CHSY3: variants seen among roughly 807,000 people sequenced by gnomAD.
CHSY3 encodes the protein chondroitin sulfate synthase 3.
A neutral mutation model predicts 67.2 loss-of-function variants in CHSY3; 35 were observed. The observed-to-expected ratio is 0.52, with a 90% CI of 0.40 to 0.69. CHSY3 has a LOEUF of 0.69. Among genes scored for constraint, CHSY3 ranks in the 30% least tolerant of loss-of-function variants. The pLI, the probability that CHSY3 is intolerant of heterozygous loss-of-function variation, is 0.00. For missense variants in CHSY3, 1,069 were observed against 1,138.5 expected, an observed-to-expected ratio of 0.94 and a Z score of 0.88; for synonymous variants, 474 against 434.7, an observed-to-expected ratio of 1.09 and a Z score of -1.12.
intron 2 of CHSY3, among the ~76,000 whole-genome samples, chr5:130,171,173 A>C (rs1195573261): frequency 2.0e-5 from 3 of 152,196 alleles, no homozygotes; most frequent in Non-Finnish European, 4.4e-5. Flanking sequence ...AAGTATACAG[A>C]GGAAGAGAAA....
intron 2 of CHSY3, among the ~76,000 whole-genome samples, chr5:129,923,584 G>A (rs891568572): frequency 2.0e-5 from 3 of 152,116 alleles, no homozygotes; most frequent in Non-Finnish European, 2.9e-5. Context: ...GAATAGGGTG[G>A]TTAGATGGAC....
intron 2 of CHSY3, among the ~76,000 whole-genome samples, chr5:130,099,881 C>T (rs1767171438): frequency 6.6e-6 from 1 of 152,064 alleles, no homozygotes; most frequent in African/African-American, 2.4e-5. Context: ...ATCTCTGGTG[C>T]AGTTGTTTCT....
At chr5:130,022,191 C>A (rs760226802) in intron 2 of CHSY3, among the ~76,000 whole-genome samples, 1 of 152,018 alleles carries the variant, frequency 6.6e-6, no homozygotes, top group South Asian at 2.1e-4. Context: ...TCTATTTCCA[C>A]CTATACTAGC....
At chr5:129,930,782 C>G (rs1187700979) in intron 2 of CHSY3, among the ~76,000 whole-genome samples, 1 of 152,146 alleles carries the variant, frequency 6.6e-6, no homozygotes, top group Non-Finnish European at 1.5e-5. Flanking sequence ...ATGACAGCCA[C>G]AGAGGGACCA....
intron 2 of CHSY3, among the ~76,000 whole-genome samples, chr5:130,087,719 G>A (rs1374823337): frequency 1.3e-5 from 2 of 151,864 alleles, no homozygotes; most frequent in African/African-American, 4.8e-5. Context: ...AATAAAAGAG[G>A]ATACAAACAA....
chr5:129,999,852 T>A (rs1234382751), intron 2 of CHSY3, among the ~76,000 whole-genome samples: 1 of 152,098 alleles, frequency 6.6e-6, no homozygotes, highest in African/African-American at 2.4e-5. Flanking sequence ...AATAAAAATG[T>A]TATAAAGTGG....
intron 2 of CHSY3, among the ~76,000 whole-genome samples, chr5:130,008,663 G>T (rs1763956708): frequency 6.6e-6 from 1 of 152,160 alleles, no homozygotes; most frequent in African/African-American, 2.4e-5. Context: ...AATCTGGATG[G>T]CAATGAAGAT....
At chr5:130,142,642 G>A (rs1319423649) in intron 2 of CHSY3, among the ~76,000 whole-genome samples, 3 of 152,144 alleles carry the variant, frequency 2.0e-5, no homozygotes, top group African/African-American at 4.8e-5. Flanking sequence ...GATCCTCAAA[G>A]CCTTTCCTTT....
intron 2 of CHSY3, among the ~76,000 whole-genome samples, chr5:130,158,699 T>A (rs1161862863): frequency 6.6e-6 from 1 of 152,218 alleles, no homozygotes; most frequent in African/African-American, 2.4e-5. Context: ...TGAAAACTTA[T>A]TCTAGAGTTT....
intron 2 of CHSY3, among the ~76,000 whole-genome samples, chr5:130,138,718 A>T (rs73247018): frequency 0.056 from 8,458 of 152,270 alleles, 657 homozygotes; most frequent in African/African-American, 0.16. Context: ...CCTTAATCTG[A>T]TTTAGCAATC....
At chr5:129,995,831 G>C (rs1763523214) in intron 2 of CHSY3, among the ~76,000 whole-genome samples, 2 of 151,808 alleles carry the variant, frequency 1.3e-5, no homozygotes, top group African/African-American at 4.8e-5. Context: ...CTTCTTCCCT[G>C]TGTCTTCTTT....
intron 2 of CHSY3, chr5:130,114,547 C>T (rs1456650980): frequency 2.0e-5 from 3 of 152,062 alleles, no homozygotes; most frequent in Admixed American, 6.6e-5. Context: ...TAGTAGTATA[C>T]ACCTCATGGA....
At chr5:130,182,504 G>A (rs1200562990) in intron 2 of CHSY3, among the ~76,000 whole-genome samples, 1 of 151,900 alleles carries the variant, frequency 6.6e-6, no homozygotes, top group Non-Finnish European at 1.5e-5. Flanking sequence ...TTAACATAAT[G>A]TAATGTATTA....
intron 2 of CHSY3, among the ~76,000 whole-genome samples, chr5:130,085,093 C>T (rs1766569695): frequency 6.6e-6 from 1 of 151,938 alleles, no homozygotes; most frequent in African/African-American, 2.4e-5. Flanking sequence ...CCTGAACTAA[C>T]TTTTCAGGTT....
chr5:129,967,406 C>T (rs1336341443), intron 2 of CHSY3, among the ~76,000 whole-genome samples: 1 of 151,760 alleles, frequency 6.6e-6, no homozygotes, highest in Non-Finnish European at 1.5e-5. Context: ...TTTTAAATAT[C>T]ATTTTAAGAG....
intron 2 of CHSY3, among the ~76,000 whole-genome samples, chr5:130,175,321 G>A (rs1158493008): frequency 6.6e-6 from 1 of 152,118 alleles, no homozygotes; most frequent in African/African-American, 2.4e-5. Context: ...ACCTCTTCAA[G>A]GAGAACTACA....
At chr5:130,016,605 T>C (rs1195437884) in intron 2 of CHSY3, among the ~76,000 whole-genome samples, 1 of 152,168 alleles carries the variant, frequency 6.6e-6, no homozygotes, top group Non-Finnish European at 1.5e-5. Flanking sequence ...AGGTTGGGTT[T>C]CCCCATGTTG....
At chr5:130,080,452 C>A (rs1179420016) in intron 2 of CHSY3, among the ~76,000 whole-genome samples, 1 of 152,044 alleles carries the variant, frequency 6.6e-6, no homozygotes, top group Non-Finnish European at 1.5e-5. Context: ...TTTCTGCAAG[C>A]AAGGTATTTT....
Position 129,907,196 on chromosome 5 carries a change from G to A in CHSY3, c.803-881G>A, listed in dbSNP as rs548315349. Among the ~76,000 whole-genome samples, 40 of 152,248 alleles carry A rather than the reference G, an allele frequency of 2.6e-4. No individual in the cohort carries two copies. In the South Asian group the frequency reaches 7.9e-3, roughly 30 times the overall value. On this transcript the variant is annotated intron_variant, in intron 1 of 2. Coordinates refer to ENST00000305031, the MANE Select transcript of CHSY3 (RefSeq NM_175856.5). ...CTTCTTTCATTTGTTTTAATACTTT[G>A]AAAGATTGTCCTTCAGAACATTAAA...
Sources: allele counts gnomAD v4.1 joint callset (sites outside exome capture counted in the v4.1 genomes callset), GRCh38; gene constraint gnomAD v4.1.1; transcripts MANE v1.5; gene names NCBI Gene and HGNC (gene_info 2026-07-23, HGNC 2026-07-21).